Variants in SHANK2 observed in about 807,000 individuals in gnomAD.
SHANK2 encodes SH3 and multiple ankyrin repeat domains protein 2.
SHANK2 carries 43 observed loss-of-function variants against 133.7 expected under a neutral mutation model. That is an observed-to-expected ratio of 0.32 (90% CI 0.25 to 0.41). The LOEUF is 0.41. Among genes scored for constraint, SHANK2 ranks in the 10% least tolerant of loss-of-function variants. The probability of loss-of-function intolerance (pLI) is 1.00; values close to 1 mark genes in which losing one functional copy is unlikely to be tolerated. For synonymous variants in SHANK2, 1,017 were observed against 952.8 expected, an observed-to-expected ratio of 1.07 and a Z score of -1.24; for missense variants, 1,994 against 2,235.8, an observed-to-expected ratio of 0.89 and a Z score of 2.18.
At chr11:71,180,867 C>T (rs1045064840) in intron 2 of SHANK2, among the ~76,000 whole-genome samples, 1 of 152,076 alleles carries the variant, frequency 6.6e-6, no homozygotes, top group Non-Finnish European at 1.5e-5. Context: ...GACCATCGGA[C>T]AGTCCCTCCC....
At chr11:70,523,874 C>T (rs2059362371) in intron 17 of SHANK2, among the ~76,000 whole-genome samples, 1 of 152,144 alleles carries the variant, frequency 6.6e-6, no homozygotes, top group African/African-American at 2.4e-5. Context: ...CTTCATCCTG[C>T]TGTGTCCTTC....
At chr11:71,229,199 T>G (rs190907962) in intron 1 of SHANK2, among the ~76,000 whole-genome samples, 2 of 152,182 alleles carry the variant, frequency 1.3e-5, no homozygotes, top group Admixed American at 6.5e-5. Flanking sequence ...TCACCATTCT[T>G]ACTCAACATA....
intron 10 of SHANK2, among the ~76,000 whole-genome samples, chr11:70,911,543 C>A (rs929420541): frequency 3.9e-5 from 6 of 152,062 alleles, no homozygotes; most frequent in African/African-American, 1.5e-4. Context: ...ATTTGCCCCC[C>A]AACTTCTCCT....
intron 2 of SHANK2, among the ~76,000 whole-genome samples, chr11:71,221,667 CTAAGTGGA>C (rs1555121143): frequency 6.6e-6 from 1 of 152,208 alleles, no homozygotes; most frequent in Non-Finnish European, 1.5e-5. Context: ...TCCGTTACTC[CTAAGTGGA>C]ACCCTTCTGC....
intron 10 of SHANK2, among the ~76,000 whole-genome samples, chr11:70,904,193 C>T (rs1950065194): frequency 6.6e-6 from 1 of 152,190 alleles, no homozygotes; most frequent in South Asian, 2.1e-4. Context: ...CAGACTGCCA[C>T]AAGGTGGGTG....
Position 70,531,994 on chromosome 11 carries a change from T to C in SHANK2, c.2062-29063A>G, listed in dbSNP as rs75394508. Among the ~76,000 whole-genome samples, 1,039 of 152,296 alleles carry C rather than the reference T, an allele frequency of 6.8e-3. 61 individuals are homozygous for C. In the East Asian group the frequency reaches 0.15, roughly 22 times the overall value. ...CAGTTCTGGGATATATGCCCCTCTC[T>C]AGGACAGAGGCTGGGTACGGAGCTC... On this transcript the variant is annotated intron_variant, in intron 17 of 25. Coordinates refer to ENST00000601538, the MANE Select transcript of SHANK2 (RefSeq NM_012309.5).
intron 17 of SHANK2, among the ~76,000 whole-genome samples, chr11:70,542,339 G>T (rs528774938): frequency 6.6e-6 from 1 of 152,164 alleles, no homozygotes; most frequent in Non-Finnish European, 1.5e-5. Flanking sequence ...GCTGTGTGAC[G>T]ACAGAGACAC....
At chr11:70,760,409 C>T (rs1946969620) in intron 14 of SHANK2, among the ~76,000 whole-genome samples, 3 of 152,226 alleles carry the variant, frequency 2.0e-5, no homozygotes, top group South Asian at 4.1e-4. Context: ...TGACATGTGA[C>T]TTTCTGCTCC....
At chr11:70,686,797 G>C (rs548000930) in intron 15 of SHANK2, among the ~76,000 whole-genome samples, 2 of 152,334 alleles carry the variant, frequency 1.3e-5, no homozygotes, top group East Asian at 3.9e-4. Context: ...AGAGCACCAG[G>C]CTTTGGGCAG....
intron 17 of SHANK2, among the ~76,000 whole-genome samples, chr11:70,538,234 C>T (rs2059569582): frequency 6.6e-6 from 1 of 152,222 alleles, no homozygotes; most frequent in African/African-American, 2.4e-5. Flanking sequence ...AGCCAGCAGC[C>T]CACACGGAGT....
At position 70,526,777 on chromosome 11, in the gene SHANK2, T is replaced by C. The variant is rs149104167; in HGVS notation, c.2062-23846A>G. Among the ~76,000 whole-genome samples the C allele has an allele frequency of 6.1e-3, 881 of 145,318 alleles. 8 individuals carry two copies. The highest frequency in any genetic ancestry group is 0.021 in the African/African-American group (822 of 39,408). ...GACACCACTCCTCCCCCTCCCCTAC[T>C]CTCAGGCAAGGACCCCCTCCCTCCC... On this transcript the variant is annotated intron_variant, in intron 17 of 25. Transcript: ENST00000601538.
At chr11:70,920,228 C>T (rs778968730) in intron 10 of SHANK2, among the ~76,000 whole-genome samples, 52 of 152,136 alleles carry the variant, frequency 3.4e-4, no homozygotes, top group Non-Finnish European at 6.9e-4. Flanking sequence ...TTTAAAAGCA[C>T]TCTCTATAAA....
At chr11:71,091,355 G>A (rs368897956) in intron 8 of SHANK2, among the ~76,000 whole-genome samples, 1 of 152,182 alleles carries the variant, frequency 6.6e-6, no homozygotes, top group East Asian at 1.9e-4. Context: ...CAGGGAGGGC[G>A]GGGCCTGCTG....
chr11:70,718,700 C>CTTT (rs60414874), intron 14 of SHANK2, among the ~76,000 whole-genome samples: 22 of 129,784 alleles, frequency 1.7e-4, no homozygotes, highest in African/African-American at 3.5e-4. Context: ...AGCTCATTCT[C>CTTT]TTTTTTTTTT....
At chr11:71,148,964 G>A (rs1423040790) in intron 2 of SHANK2, among the ~76,000 whole-genome samples, 67 of 136,624 alleles carry the variant, frequency 4.9e-4, no homozygotes, top group African/African-American at 2.1e-3. Context: ...CCCTCTCGGA[G>A]GAAGACAGGG....
At chr11:70,818,593 G>A (rs1466540194) in intron 12 of SHANK2, among the ~76,000 whole-genome samples, 7 of 152,168 alleles carry the variant, frequency 4.6e-5, no homozygotes, top group African/African-American at 1.7e-4. Context: ...TGCCTCGGGG[G>A]AGCCCTTTAA....
chr11:70,617,337 T>C (rs1032946709), intron 17 of SHANK2, among the ~76,000 whole-genome samples: 2 of 152,174 alleles, frequency 1.3e-5, no homozygotes, highest in East Asian at 1.9e-4. Context: ...GTGTAGTGCA[T>C]GTACATGCAT....
intron 14 of SHANK2, among the ~76,000 whole-genome samples, chr11:70,722,662 T>A (rs1946096040): frequency 1.3e-5 from 2 of 152,182 alleles, no homozygotes; most frequent in Admixed American, 1.3e-4. Context: ...AATGTGTCTA[T>A]TAGAGGTGAG....
At chr11:71,153,151 G>C (rs553051288) in intron 2 of SHANK2, among the ~76,000 whole-genome samples, 2 of 152,134 alleles carry the variant, frequency 1.3e-5, no homozygotes, top group Non-Finnish European at 2.9e-5. Context: ...GGGAGGCTCC[G>C]CAGAGAGAAT....
Sources: gnomAD v4.1 joint callset for allele counts (sites outside exome capture counted in the v4.1 genomes callset) on GRCh38, gnomAD v4.1.1 for gene constraint, MANE v1.5 for transcripts, NCBI Gene and HGNC (gene_info 2026-07-23, HGNC 2026-07-21) for gene names.